AFDN: variants seen among roughly 807,000 people sequenced by gnomAD.
AFDN encodes afadin, adherens junction formation factor.
A neutral mutation model predicts 216.6 loss-of-function variants in AFDN; 68 were observed. The observed-to-expected ratio is 0.31, with a 90% confidence interval of 0.26 to 0.38. The LOEUF (loss-of-function observed/expected upper bound fraction) is 0.38. Ranked by LOEUF, AFDN falls within the 10% of genes least tolerant of loss-of-function variation. The pLI is 1.00. For missense variants in AFDN, 2,136 were observed against 2,342.0 expected (o/e 0.91, Z 1.82); for synonymous variants, 868 against 853.7 (o/e 1.02, Z -0.29).
chr6:167,877,879 T>G (rs1465078968), intron 5 of AFDN, among the ~76,000 whole-genome samples: 1 of 152,182 alleles, frequency 6.6e-6, no homozygotes, highest in Non-Finnish European at 1.5e-5. Context: ...CCTTAATTTG[T>G]TTTTGTTAAA....
At chr6:167,925,943 A>G (rs1792470464) in intron 23 of AFDN, among the ~76,000 whole-genome samples, 1 of 152,132 alleles carries the variant, frequency 6.6e-6, no homozygotes, top group South Asian at 2.1e-4. Flanking sequence ...GGCCACTACA[A>G]TTTGTATTTT....
intron 5 of AFDN, among the ~76,000 whole-genome samples, chr6:167,878,049 C>G (rs1054970767): frequency 6.6e-6 from 1 of 152,042 alleles, no homozygotes; most frequent in African/African-American, 2.4e-5. Flanking sequence ...GGTACAAATA[C>G]TCTACTACCA....
intron 5 of AFDN, among the ~76,000 whole-genome samples, chr6:167,878,560 TTGCA>T (rs1393895583): frequency 2.0e-5 from 3 of 151,588 alleles, no homozygotes; most frequent in Non-Finnish European, 4.4e-5. Context: ...ATGTGCACTC[TTGCA>T]TGCACGCACG....
At chr6:167,891,592 T>G (rs1333259399) in intron 8 of AFDN, among the ~76,000 whole-genome samples, 2 of 151,858 alleles carry the variant, frequency 1.3e-5, no homozygotes, top group Non-Finnish European at 2.9e-5. Flanking sequence ...CCTCTAAGTG[T>G]TTTTTTTGTA....
chr6:167,922,178 AG>A (rs1356908830), intron 21 of AFDN, among the ~76,000 whole-genome samples: 1 of 152,256 alleles, frequency 6.6e-6, no homozygotes, highest in Non-Finnish European at 1.5e-5. Context: ...GAAACAAAAT[AG>A]GATTTGACTA....
chr6:167,848,559 TG>T lies in AFDN; in HGVS notation c.106-15991del, dbSNP rs369188801. Reference sequence around the variant, plus strand: ...TGGATTTAATGAACAGTCTTGTCCATGTTTTCTTCTGTACTGATGTAAAATT... The same window carrying T: ...TGGATTTAATGAACAGTCTTGTCCATTTTTCTTCTGTACTGATGTAAAATT... On this transcript the variant is annotated intron_variant, in intron 1 of 33. Coordinates refer to ENST00000683244, the MANE Select transcript of AFDN (RefSeq NM_001386888.1). Among the ~76,000 whole-genome samples the T allele has an allele frequency of 6.5e-4, 99 of 152,318 alleles. 1 individual carries two copies. In the East Asian group the frequency reaches 0.018, roughly 27 times the overall value.
At chr6:167,880,303 A>C (rs774881922) in intron 5 of AFDN, 57 bp from the exon 6 acceptor site, 2 of 1,517,176 alleles carry the variant, frequency 1.3e-6, no homozygotes, top group Non-Finnish European at 1.8e-6. Context: ...AATGTTAGCT[A>C]TCTCTGTTAC....
At chr6:167,936,481 A>C (rs1794012439) in intron 23 of AFDN, among the ~76,000 whole-genome samples, 1 of 152,266 alleles carries the variant, frequency 6.6e-6, no homozygotes, top group Non-Finnish European at 1.5e-5. Flanking sequence ...CAGCCTTAAT[A>C]GACTACATAG....
At chr6:167,883,464 A>C (rs935803833) in intron 6 of AFDN, among the ~76,000 whole-genome samples, 5 of 152,220 alleles carry the variant, frequency 3.3e-5, no homozygotes, top group Admixed American at 6.5e-5. Flanking sequence ...TTGCTCTGCA[A>C]CGTCAGTTAA....
At chr6:167,946,423 A>T (rs1245759412) in intron 26 of AFDN, among the ~76,000 whole-genome samples, 2 of 151,884 alleles carry the variant, frequency 1.3e-5, no homozygotes, top group South Asian at 2.1e-4. Flanking sequence ...TTTTTTTTTT[A>T]AAGATACTTT....
rs866554147 is a variant in AFDN at position 167,827,185 on chromosome 6, A to G, written c.53A>G (p.His18Arg). ...EERRKLADII[H>R]HWNANRLDLF... ...CGGCGGAAGCTGGCCGACATCATCC[A>G]CCACTGGAACGCCAACCGGCTGGAC... Residue 18 changes from histidine (H) to arginine (R), a missense_variant, in exon 1 of 34, where the codon CAC (histidine) becomes CGC (arginine). This residue lies in a region of AFDN where 81 missense variants were observed against 51.2 expected (regional missense o/e 1.58). Transcript: ENST00000683244. The G allele has an allele frequency of 4.6e-6, 6 of 1,300,956 alleles. 1 individual carries two copies. Among genetic ancestry groups the G allele is most frequent in the Middle Eastern group, 4.6e-4 (2 of 4,338 alleles). 80.6% of individuals were successfully genotyped at this position (1,300,956 alleles called of 1,614,324 possible).
intron 6 of AFDN, among the ~76,000 whole-genome samples, chr6:167,886,672 G>T (rs1293562117): frequency 6.6e-6 from 1 of 152,216 alleles, no homozygotes; most frequent in East Asian, 1.9e-4. Context: ...TAAGTGGTCC[G>T]TATACTTAGA....
At chr6:167,959,375 T>C (rs997861181) in intron 30 of AFDN, among the ~76,000 whole-genome samples, 3 of 152,206 alleles carry the variant, frequency 2.0e-5, no homozygotes, top group Admixed American at 2.0e-4. Context: ...AATCGGTCCC[T>C]AAGACATAGA....
In AFDN at chr6:167,956,290, T is replaced by G. The variant is rs181628145; in HGVS notation, c.4833+4103T>G. Among the ~76,000 whole-genome samples the G allele has an allele frequency of 7.9e-5, 12 of 152,232 alleles. No individual in the cohort carries two copies. In the East Asian group the frequency reaches 2.3e-3, roughly 29 times the overall value. On this transcript the variant is annotated intron_variant, in intron 30 of 33. Transcript: ENST00000683244. The stretch of plus-strand genomic sequence containing the variant: ...CCAGTATGGTTCTTAAGATATTTTC[T>G]TAGACACATCACAGGATTTTCAGGT...
In AFDN at chr6:167,827,255, C is replaced by T. The variant is rs764174769; in HGVS notation, c.105+18C>T. 8.4e-6 allele frequency: 9 copies of T among 1,067,510 alleles called. No homozygotes were observed. Among genetic ancestry groups the T allele is most frequent in the African/African-American group, 3.4e-5 (2 of 58,970 alleles). 66.1% of individuals were successfully genotyped at this position (1,067,510 alleles called of 1,614,324 possible). A position where few individuals can be genotyped will look rare whatever the true frequency, so the allele number is the denominator to read the frequency against. ...CGACCGAGGTGAGCACCGCCGGGCGCGGGGCCTGCGCGACCCCCGCCCGCT... is the reference window on the plus strand; with the variant it reads ...CGACCGAGGTGAGCACCGCCGGGCGTGGGGCCTGCGCGACCCCCGCCCGCT... On this transcript the variant is annotated intron_variant, in intron 1 of 33. Transcript: ENST00000683244.
intron 30 of AFDN, among the ~76,000 whole-genome samples, chr6:167,953,459 C>G (rs1342762887): frequency 6.6e-6 from 1 of 152,134 alleles, no homozygotes; most frequent in Middle Eastern, 3.4e-3. Context: ...AAAACTTTGC[C>G]CAAAATTCAG....
At chr6:167,914,424 G>T in intron 17 of AFDN, 111 bp downstream of exon 17, 1 of 1,355,636 alleles carries the variant, frequency 7.4e-7, no homozygotes, top group East Asian at 2.4e-5. Flanking sequence ...GATTGAAGGT[G>T]AATATAAAGA....
At chr6:167,881,552 G>GA (rs1458140263) in intron 6 of AFDN, among the ~76,000 whole-genome samples, 1 of 152,190 alleles carries the variant, frequency 6.6e-6, no homozygotes, top group Non-Finnish European at 1.5e-5. Flanking sequence ...GAAGACTCAG[G>GA]AATTAGAGGC....
intron 1 of AFDN, among the ~76,000 whole-genome samples, chr6:167,840,575 T>A (rs1429481922): frequency 6.6e-6 from 1 of 152,204 alleles, no homozygotes; most frequent in Non-Finnish European, 1.5e-5. Flanking sequence ...GAATGATATG[T>A]TATTGTGAGA....
Sources: allele counts gnomAD v4.1 joint callset (sites outside exome capture counted in the v4.1 genomes callset), GRCh38; gene constraint gnomAD v4.1.1; regional missense constraint gnomAD v4.1.1; transcripts MANE v1.5; gene names NCBI Gene and HGNC (gene_info 2026-07-23, HGNC 2026-07-21).